NCOA3: variants seen among roughly 807,000 people sequenced by gnomAD.
The protein encoded by NCOA3 is CBP-interacting protein.
Under a neutral mutation model 158.8 loss-of-function variants are expected in NCOA3, and 51 were observed. The observed-to-expected ratio is 0.32, with a 90% CI of 0.26 to 0.41. The LOEUF is 0.41. Ranked by LOEUF, NCOA3 falls within the 10% of genes least tolerant of loss-of-function variation. The probability of loss-of-function intolerance (pLI) is 1.00; values close to 1 mark genes in which losing one functional copy is unlikely to be tolerated. For missense variants in NCOA3, 1,510 were observed against 1,746.6 expected, an observed-to-expected ratio of 0.86 and a Z score of 2.41; for synonymous variants, 537 against 592.4, an observed-to-expected ratio of 0.91 and a Z score of 1.36.
intron 2 of NCOA3, among the ~76,000 whole-genome samples, chr20:47,606,976 T>TA (rs1335081503): frequency 1.3e-5 from 2 of 152,166 alleles, no homozygotes; most frequent in Non-Finnish European, 2.9e-5. Context: ...GAATGTGGGT[T>TA]AAAAAAATTG....
chr20:47,536,550 C>T (rs1275647901), intron 1 of NCOA3, among the ~76,000 whole-genome samples: 2 of 152,214 alleles, frequency 1.3e-5, no homozygotes, highest in African/African-American at 2.4e-5. Flanking sequence ...AATGTATTAT[C>T]ATTTACTGCA....
chr20:47,543,933 T>C (rs1382491214), intron 1 of NCOA3, among the ~76,000 whole-genome samples: 2 of 152,224 alleles, frequency 1.3e-5, no homozygotes, highest in African/African-American at 4.8e-5. Context: ...TTTACTAGTA[T>C]TCTCCTGTGG....
chr20:47,636,800 C>T lies in NCOA3; in HGVS notation c.2376+38C>T, dbSNP rs776913903. On this transcript the variant is annotated intron_variant, in intron 12 of 22. Coordinates refer to ENST00000371998, the MANE Select transcript of NCOA3 (RefSeq NM_181659.3). Reference sequence around the variant, plus strand: ...CTGTATATTTCAGCTCATATTTCATCATTTTTCGGTGTTAGATAATGTGAT... The same window carrying T: ...CTGTATATTTCAGCTCATATTTCATTATTTTTCGGTGTTAGATAATGTGAT... 3.3e-6 allele frequency: 5 copies of T among 1,519,202 alleles called. No individual in the cohort carries two copies. In the South Asian group the frequency reaches 5.2e-5, roughly 16 times the overall value. 94.1% of individuals were successfully genotyped at this position (1,519,202 alleles called of 1,614,324 possible). A position where few individuals can be genotyped will look rare whatever the true frequency, so the allele number is the denominator to read the frequency against.
At chr20:47,543,635 G>A (rs1180998096) in intron 1 of NCOA3, among the ~76,000 whole-genome samples, 1 of 151,580 alleles carries the variant, frequency 6.6e-6, no homozygotes, top group Non-Finnish European at 1.5e-5. Flanking sequence ...TCAGCCTCCC[G>A]AGTAGCTGGG....
chr20:47,561,157 T>G (rs1158650118), intron 1 of NCOA3, among the ~76,000 whole-genome samples: 1 of 151,598 alleles, frequency 6.6e-6, no homozygotes, highest in Non-Finnish European at 1.5e-5. Flanking sequence ...GTATTTTTTG[T>G]AGAGACAGGG....
chr20:47,542,009 GTTTTTT>G (rs755173294), intron 1 of NCOA3, among the ~76,000 whole-genome samples: 6 of 56,356 alleles, frequency 1.1e-4, no homozygotes, highest in Admixed American at 3.3e-4. Context: ...GCCCTGTAGA[GTTTTTT>G]TTTTTTTTTT....
At chr20:47,651,477 T>C (rs1421070127) in intron 20 of NCOA3, among the ~76,000 whole-genome samples, 4 of 152,142 alleles carry the variant, frequency 2.6e-5, no homozygotes, top group Admixed American at 2.6e-4. Flanking sequence ...CCTGTCATAG[T>C]TGAATATTTT....
Position 47,656,718 on chromosome 20 carries a change from A to C in NCOA3, c.*3301A>C, listed in dbSNP as rs1031452496. The stretch of plus-strand genomic sequence containing the variant: ...TACTCTTGAGAATGAATTCAGTTTC[A>C]ATCAAGTTTACATTATGTTGCTTAA... On this transcript the variant is annotated 3_prime_UTR_variant, in exon 23 of 23. Coordinates refer to ENST00000371998, the MANE Select transcript of NCOA3 (RefSeq NM_181659.3). 6.6e-6 allele frequency: 1 copy of C among 152,604 alleles called. No homozygotes were observed. Among genetic ancestry groups the C allele is most frequent in the Non-Finnish European group, 1.5e-5 (1 of 68,042 alleles). 9.5% of individuals were successfully genotyped at this position (152,604 alleles called of 1,614,324 possible).
intron 1 of NCOA3, 65 bp downstream of exon 1, chr20:47,502,084 G>A: frequency 2.5e-6 from 1 of 399,198 alleles, no homozygotes; most frequent in Non-Finnish European, 4.4e-6. Flanking sequence ...GGAGGGAAGA[G>A]GGGCGAGTTC....
chr20:47,513,586 C>T (rs892170872), intron 1 of NCOA3, among the ~76,000 whole-genome samples: 5 of 151,772 alleles, frequency 3.3e-5, no homozygotes, highest in Admixed American at 6.6e-5. Flanking sequence ...ATTAGCTGGG[C>T]GTGGTGACAC....
intron 1 of NCOA3, among the ~76,000 whole-genome samples, chr20:47,563,849 A>G (rs1342058131): frequency 2.0e-5 from 3 of 149,412 alleles, no homozygotes; most frequent in Non-Finnish European, 4.4e-5. Context: ...AGATGGTGCC[A>G]CTGCACTGTA....
At chr20:47,618,300 G>A (rs1323803029) in intron 2 of NCOA3, among the ~76,000 whole-genome samples, 2 of 143,602 alleles carry the variant, frequency 1.4e-5, no homozygotes, top group African/African-American at 2.6e-5. Context: ...ATACCTTTAT[G>A]TTCGGGTAAA....
At position 47,625,458 on chromosome 20, in the gene NCOA3, T is replaced by C; in HGVS notation, c.334T>C (p.Ser112Pro). ...AGGGCAGGGAGTTATTGATAAAGAC[T>C]CCTTAGGACCGCTTTTACTTCAGGC... ...STGQGVIDKD[S>P]LGPLLLQALD... Residue 112 changes from serine (S) to proline (P), a missense_variant, in exon 5 of 23, where the codon TCC becomes CCC. By Grantham distance (74) the Ser-to-Pro change is moderately conservative (BLOSUM62 -1). Transcript: ENST00000371998. 1 of 1,612,104 alleles carries C rather than the reference T, an allele frequency of 6.2e-7. No individual in the cohort carries two copies. Among genetic ancestry groups the C allele is most frequent in the Non-Finnish European group, 8.5e-7 (1 of 1,178,266 alleles).
At chr20:47,638,615 A>C (rs781094096) in intron 13 of NCOA3, among the ~76,000 whole-genome samples, 4 of 152,200 alleles carry the variant, frequency 2.6e-5, no homozygotes, top group African/African-American at 4.8e-5. Context: ...TTATCTGGTT[A>C]AGTTGATTGT....
intron 1 of NCOA3, among the ~76,000 whole-genome samples, chr20:47,511,949 G>A (rs1403334849): frequency 6.6e-6 from 1 of 151,968 alleles, no homozygotes; most frequent in African/African-American, 2.4e-5. Flanking sequence ...TGCCCTAAAA[G>A]TCCTGGCTTC....
At chr20:47,587,347 G>C (rs145272403) in intron 2 of NCOA3, among the ~76,000 whole-genome samples, 54 of 152,352 alleles carry the variant, frequency 3.5e-4, no homozygotes, top group Non-Finnish European at 6.9e-4. Context: ...CTCTCTGAGT[G>C]CTAGGTGTCC....
At chr20:47,507,755 A>G (rs2084051988) in intron 1 of NCOA3, among the ~76,000 whole-genome samples, 1 of 152,062 alleles carries the variant, frequency 6.6e-6, no homozygotes, top group South Asian at 2.1e-4. Context: ...AGTAGCTAGG[A>G]TTACAGGCAT....
intron 1 of NCOA3, among the ~76,000 whole-genome samples, chr20:47,548,145 A>G (rs1402322167): frequency 6.6e-6 from 1 of 152,106 alleles, no homozygotes; most frequent in African/African-American, 2.4e-5. Context: ...TGATTTGTTA[A>G]TATAGAGGAA....
chr20:47,652,582 TA>T lies in NCOA3; in HGVS notation c.4121+5del. 1 of 1,603,324 alleles carries T rather than the reference TA, an allele frequency of 6.2e-7. No homozygotes were observed. Among genetic ancestry groups the T allele is most frequent in the Non-Finnish European group, 8.5e-7 (1 of 1,170,966 alleles). ...ATCAGGAAATTTGGCCAGGAACAGG[TA>T]AAGAACAGTGACTTATAAAGTTAGT... On this transcript the variant is annotated splice_donor_region_variant and intron_variant, in intron 21 of 22. Transcript: ENST00000371998.
Sources: allele counts gnomAD v4.1 joint callset (sites outside exome capture counted in the v4.1 genomes callset), GRCh38; gene constraint gnomAD v4.1.1; transcripts MANE v1.5; gene names NCBI Gene and HGNC (gene_info 2026-07-23, HGNC 2026-07-21).